MGAT4C: variants seen among roughly 807,000 people sequenced by gnomAD.
MGAT4C encodes alpha-1,3-mannosyl-glycoprotein 4-beta-N-acetylglucosaminyltransferase C.
Under a neutral mutation model 40.1 loss-of-function variants are expected in MGAT4C, and 19 were observed. That is an observed-to-expected ratio of 0.47 (90% CI 0.33 to 0.70). The LOEUF is 0.70. Among genes scored for constraint, MGAT4C ranks in the 30% least tolerant of loss-of-function variants. MGAT4C has a pLI of 0.02. For missense variants in MGAT4C, 491 were observed against 563.2 expected (o/e 0.87, Z 1.30); for synonymous variants, 181 against 187.1 (o/e 0.97, Z 0.27).
chr12:86,074,863 G>T (rs1869362595), intron 1 of MGAT4C, among the ~76,000 whole-genome samples: 1 of 152,056 alleles, frequency 6.6e-6, no homozygotes, highest in Admixed American at 6.6e-5. Context: ...GAGGAAAACT[G>T]CCCCCATGAT....
In MGAT4C at chr12:86,218,223, G is replaced by T. The variant is rs963755654; in HGVS notation, c.-57+38016C>A. On this transcript the variant is annotated intron_variant, in intron 1 of 4. Transcript: ENST00000611864. ...GTTAAATCCTAATAGAAGAGCTAAG[G>T]TTTTTCCACTACCATGTAACTTTCT... Among the ~76,000 whole-genome samples, 8 of 152,020 alleles carry T rather than the reference G, an allele frequency of 5.3e-5. No individual in the cohort carries two copies. The East Asian group carries it at 9.7e-4, about 18-fold the overall frequency.
chr12:86,426,168 C>T (rs553748296), intron 3 of MGAT4C, among the ~76,000 whole-genome samples: 2 of 152,280 alleles, frequency 1.3e-5, no homozygotes, highest in African/African-American at 4.8e-5. Flanking sequence ...TAACAAGTCT[C>T]CTCTGAATGT....
At position 85,980,408 on chromosome 12, in the gene MGAT4C, A is replaced by G; in HGVS notation, c.318T>C (p.Ser106=). The change falls in exon 5 of 5, where the codon TCT becomes TCC. Residue 106 remains serine (S), a synonymous_variant. Transcript: ENST00000611864. The part of the protein sequence containing the change: ...QRKRYLTIGL[S]SVKRKKGNYL... ...AGTTTCCTTTTTTTCGCTTTACTGA[A>G]GAAAGTCCAATTGTAAGATACCCTG... is the stretch of plus-strand genomic sequence containing the variant. The G allele has an allele frequency of 6.2e-7, 1 of 1,602,746 alleles. No homozygotes were observed. The highest frequency in any genetic ancestry group is 8.5e-7 in the Non-Finnish European group (1 of 1,175,008).
chr12:86,629,821 C>T (rs11609775), intron 2 of MGAT4C, among the ~76,000 whole-genome samples: 13,063 of 152,080 alleles, frequency 0.086, 900 homozygotes, highest in African/African-American at 0.19. Context: ...AAAATCGACA[C>T]CCTAACATCA....
At chr12:86,023,227 C>A (rs955372873) in intron 2 of MGAT4C, among the ~76,000 whole-genome samples, 13 of 151,978 alleles carry the variant, frequency 8.6e-5, no homozygotes, top group African/African-American at 3.1e-4. Context: ...TTGTAGTTCA[C>A]AAAAGTTCTC....
intron 1 of MGAT4C, among the ~76,000 whole-genome samples, chr12:86,804,598 T>A (rs1952312714): frequency 6.6e-6 from 1 of 151,970 alleles, no homozygotes; most frequent in African/African-American, 2.4e-5. Context: ...TGCACACATA[T>A]ATTCTTCAGT....
At chr12:86,180,477 C>T (rs1466927609) in intron 1 of MGAT4C, among the ~76,000 whole-genome samples, 1 of 152,156 alleles carries the variant, frequency 6.6e-6, no homozygotes, top group Non-Finnish European at 1.5e-5. Flanking sequence ...GTGGAAAAGC[C>T]TCAGACACTC....
chr12:86,243,801 A>T (rs1468105415), intron 1 of MGAT4C, among the ~76,000 whole-genome samples: 2 of 152,354 alleles, frequency 1.3e-5, no homozygotes, highest in East Asian at 3.9e-4. Context: ...CCAGAGACCC[A>T]TGAATAAAAG....
At chr12:86,555,026 C>T (rs1959541130) in intron 2 of MGAT4C, among the ~76,000 whole-genome samples, 1 of 151,934 alleles carries the variant, frequency 6.6e-6, no homozygotes, top group African/African-American at 2.4e-5. Flanking sequence ...TTTTCTTTCT[C>T]TCTCTGACCT....
At chr12:86,515,204 G>C (rs189846108) in intron 2 of MGAT4C, among the ~76,000 whole-genome samples, 26 of 152,198 alleles carry the variant, frequency 1.7e-4, no homozygotes, top group Admixed American at 5.2e-4. Context: ...ATAAAAGACT[G>C]AAAACTTTCC....
At chr12:86,808,546 A>T (rs1952407789) in intron 1 of MGAT4C, among the ~76,000 whole-genome samples, 1 of 152,088 alleles carries the variant, frequency 6.6e-6, no homozygotes, top group Non-Finnish European at 1.5e-5. Context: ...TTATTTAATT[A>T]GATGCAAAAA....
intron 2 of MGAT4C, among the ~76,000 whole-genome samples, chr12:86,486,863 G>A (rs917983195): frequency 6.6e-6 from 1 of 152,158 alleles, no homozygotes; most frequent in African/African-American, 2.4e-5. Context: ...GTTAAACCCA[G>A]TGAGTAAACA....
chr12:86,244,212 C>G lies in MGAT4C; in HGVS notation c.-57+12027G>C, dbSNP rs974499089. On this transcript the variant is annotated intron_variant, in intron 1 of 4. Transcript: ENST00000611864. ...TTTAATGATGCTGGGCGGTCATTTG[C>G]TGACTACCCTCCAGGCATGTTTTTA... Among the ~76,000 whole-genome samples the G allele has an allele frequency of 3.3e-5, 5 of 152,278 alleles. No individual in the cohort carries two copies. In the East Asian group the frequency reaches 9.7e-4, roughly 29 times the overall value.
At chr12:86,422,811 T>C (rs941079545) in intron 3 of MGAT4C, among the ~76,000 whole-genome samples, 2 of 152,152 alleles carry the variant, frequency 1.3e-5, no homozygotes, top group Non-Finnish European at 2.9e-5. Context: ...AAAAAAAACA[T>C]AGAGTATCTG....
intron 4 of MGAT4C, 121 bp downstream of exon 4, chr12:85,983,402 G>A (rs1884845971): frequency 1.1e-6 from 1 of 941,998 alleles, no homozygotes; most frequent in African/African-American, 1.7e-5. Flanking sequence ...TTGAAGTTTT[G>A]CCCAAATAAT....
At chr12:86,477,531 C>T (rs560493631) in intron 2 of MGAT4C, among the ~76,000 whole-genome samples, 1 of 151,874 alleles carries the variant, frequency 6.6e-6, no homozygotes, top group Non-Finnish European at 1.5e-5. Flanking sequence ...CACATGTACC[C>T]GCTGAAGCTG....
At chr12:86,751,472 T>C (rs1237789818) in intron 1 of MGAT4C, among the ~76,000 whole-genome samples, 1 of 151,982 alleles carries the variant, frequency 6.6e-6, no homozygotes, top group African/African-American at 2.4e-5. Context: ...AAGTAAAAAC[T>C]ATTGAAATTT....
At chr12:86,011,576 T>C (rs1286542813) in intron 2 of MGAT4C, among the ~76,000 whole-genome samples, 3 of 152,116 alleles carry the variant, frequency 2.0e-5, no homozygotes, top group South Asian at 2.1e-4. Flanking sequence ...TGGCTTATAA[T>C]AGTATAGTAG....
chr12:86,432,410 G>A (rs978296052), intron 3 of MGAT4C, among the ~76,000 whole-genome samples: 10 of 151,970 alleles, frequency 6.6e-5, no homozygotes, highest in African/African-American at 2.4e-4. Context: ...AATATAAAGA[G>A]GTGTTTAATG....
Sources: gnomAD v4.1 joint callset for allele counts (sites outside exome capture counted in the v4.1 genomes callset) on GRCh38, gnomAD v4.1.1 for gene constraint, MANE v1.5 for transcripts, NCBI Gene and HGNC (gene_info 2026-07-23, HGNC 2026-07-21) for gene names.